HTRA1: variants seen among roughly 807,000 people sequenced by gnomAD.
HTRA1 encodes the protein serine protease HTRA1.
HTRA1 carries 26 observed loss-of-function variants against 49.7 expected under a neutral mutation model. That is an observed-to-expected ratio of 0.52 (90% CI 0.38 to 0.73). The LOEUF (loss-of-function observed/expected upper bound fraction) is 0.73. HTRA1 is among the 30% of genes least tolerant of loss of function. HTRA1 has a pLI of 0.00. For missense variants in HTRA1, 561 were observed against 667.2 expected (o/e 0.84, Z 1.75); for synonymous variants, 291 against 286.9 (o/e 1.01, Z -0.14).
At chr10:122,475,154 A>T (rs938105436) in intron 1 of HTRA1, among the ~76,000 whole-genome samples, 2 of 152,174 alleles carry the variant, frequency 1.3e-5, no homozygotes, top group East Asian at 3.9e-4. Context: ...TTCCTCCTTC[A>T]CTTCACCTGC....
At position 122,507,359 on chromosome 10, in the gene HTRA1, T is replaced by C; in HGVS notation, c.973-11T>C. On this transcript the variant is annotated splice_polypyrimidine_tract_variant and intron_variant, in intron 4 of 8. Transcript: ENST00000368984. ...ACGATTTGTAACCTTTTCATTTCTG[T>C]TTAATTGCAGTATGGAAACTCGGGA... The C allele has an allele frequency of 6.2e-7, 1 of 1,609,010 alleles. No individual in the cohort carries two copies. Among genetic ancestry groups the C allele is most frequent in the Non-Finnish European group, 8.5e-7 (1 of 1,175,360 alleles).
intron 3 of HTRA1, among the ~76,000 whole-genome samples, chr10:122,502,808 G>A (rs990698091): frequency 6.6e-6 from 1 of 152,196 alleles, no homozygotes; most frequent in East Asian, 1.9e-4. Flanking sequence ...TGAGATCTCC[G>A]CCTGGGCTCT....
chr10:122,504,877 C>T (rs2097502409), intron 3 of HTRA1, among the ~76,000 whole-genome samples: 1 of 152,228 alleles, frequency 6.6e-6, no homozygotes, highest in Non-Finnish European at 1.5e-5. Flanking sequence ...CTGCACCTCC[C>T]CGCAGCTGCC....
intron 1 of HTRA1, among the ~76,000 whole-genome samples, chr10:122,479,132 A>G (rs777796871): frequency 1.3e-5 from 2 of 152,210 alleles, no homozygotes; most frequent in Non-Finnish European, 2.9e-5. Context: ...AATTAGCTCT[A>G]CGTATCAACT....
chr10:122,492,850 C>T (rs932870928), intron 3 of HTRA1, among the ~76,000 whole-genome samples: 1 of 152,120 alleles, frequency 6.6e-6, no homozygotes. Context: ...CAAGCAGAGG[C>T]TCCCCTTGGA....
intron 1 of HTRA1, among the ~76,000 whole-genome samples, chr10:122,465,818 C>T (rs2097483536): frequency 6.6e-6 from 1 of 152,202 alleles, no homozygotes; most frequent in South Asian, 2.1e-4. Context: ...TTCCAGATTC[C>T]CCCATGTCCC....
At chr10:122,462,367 CTG>C (rs968611142) in intron 1 of HTRA1, among the ~76,000 whole-genome samples, 22 of 152,266 alleles carry the variant, frequency 1.4e-4, no homozygotes, top group African/African-American at 4.8e-4. Flanking sequence ...GGCCTGCACT[CTG>C]GGGCTCGAGA....
chr10:122,471,487 TC>T (rs34392669), intron 1 of HTRA1, among the ~76,000 whole-genome samples: 2 of 152,140 alleles, frequency 1.3e-5, no homozygotes, highest in African/African-American at 2.4e-5. Context: ...CCACATCAAC[TC>T]CCTGTTTGCA....
At chr10:122,486,240 T>G (rs1486274067) in intron 1 of HTRA1, among the ~76,000 whole-genome samples, 1 of 152,110 alleles carries the variant, frequency 6.6e-6, no homozygotes, top group East Asian at 1.9e-4. Context: ...TTTCCCCATA[T>G]ATAATATGGG....
At chr10:122,493,503 G>GT (rs538167908) in intron 3 of HTRA1, among the ~76,000 whole-genome samples, 49 of 151,714 alleles carry the variant, frequency 3.2e-4, no homozygotes, top group African/African-American at 1.0e-3. Context: ...TCCCTGCGGG[G>GT]TTTTTTTTTC....
At chr10:122,492,369 T>A (rs1027182194) in intron 3 of HTRA1, among the ~76,000 whole-genome samples, 1 of 152,248 alleles carries the variant, frequency 6.6e-6, no homozygotes, top group Non-Finnish European at 1.5e-5. Flanking sequence ...AGAGTTTTAC[T>A]GTTGCCCAGG....
intron 5 of HTRA1, 77 bp from the exon 6 acceptor site, chr10:122,508,579 C>G: frequency 2.1e-6 from 2 of 932,430 alleles, no homozygotes; most frequent in African/African-American, 1.6e-5. Context: ...GGACTTCTTT[C>G]AGGCATATTC....
In HTRA1 at chr10:122,479,731, G is replaced by A. The variant is rs573084139; in HGVS notation, c.473-9171G>A. 5.3e-5 allele frequency among the ~76,000 whole-genome samples: 8 copies of A among 152,072 alleles called. No homozygotes were observed. The South Asian group carries it at 1.5e-3, about 28-fold the overall frequency. Reference sequence around the variant, plus strand: ...GGGAGTTGTGCATTAAGGAGTCGTGGGGAGAGTGGAGGAATCAGTGCCACA... The same window carrying A: ...GGGAGTTGTGCATTAAGGAGTCGTGAGGAGAGTGGAGGAATCAGTGCCACA... On this transcript the variant is annotated intron_variant, in intron 1 of 8. Coordinates refer to ENST00000368984, the MANE Select transcript of HTRA1 (RefSeq NM_002775.5).
chr10:122,474,605 C>T (rs2097487624), intron 1 of HTRA1, among the ~76,000 whole-genome samples: 1 of 152,182 alleles, frequency 6.6e-6, no homozygotes, highest in African/African-American at 2.4e-5. Flanking sequence ...GGAGTCAGGG[C>T]AGGAAGCGAA....
At chr10:122,511,335 C>G (rs28542373) in intron 7 of HTRA1, among the ~76,000 whole-genome samples, 85,670 of 151,998 alleles carry the variant, frequency 0.56, 24,613 homozygotes, top group African/African-American at 0.65. Context: ...AGCAACTGTC[C>G]GAGGTCACAC....
At chr10:122,476,964 CTTTTT>C (rs36120668) in intron 1 of HTRA1, among the ~76,000 whole-genome samples, 1 of 103,998 alleles carries the variant, frequency 9.6e-6, no homozygotes, top group Non-Finnish European at 1.9e-5. Context: ...TTTATAGTTA[CTTTTT>C]TTTTTTTTTT....
chr10:122,480,423 G>T (rs1430545696), intron 1 of HTRA1, among the ~76,000 whole-genome samples: 1 of 152,166 alleles, frequency 6.6e-6, no homozygotes, highest in Non-Finnish European at 1.5e-5. Context: ...TCCTGCAGGG[G>T]CAATGAAGGG....
At chr10:122,463,622 C>T (rs1293633940) in intron 1 of HTRA1, among the ~76,000 whole-genome samples, 1 of 152,228 alleles carries the variant, frequency 6.6e-6, no homozygotes, top group Non-Finnish European at 1.5e-5. Flanking sequence ...CTGCTTCAGC[C>T]TCCCAAGTGG....
rs1384040346 is a variant in HTRA1, at chr10:122,506,477, CTCCCGCACGGCTTGCAAT to C, written c.778-213_778-196del. ...TGTGTGTGGCTTCAGTGTTCACTGG[CTCCCGCACGGCTTGCAAT>C]GTGTGGATTACGGGTGGGAGGGAAA... On this transcript the variant is annotated intron_variant, in intron 3 of 8. Coordinates refer to ENST00000368984, the MANE Select transcript of HTRA1 (RefSeq NM_002775.5). This position sits in a 1 kb window ranked among gnomAD's most constrained non-coding sequence, Gnocchi z 5.2. Among the ~76,000 whole-genome samples, 1 of 152,144 alleles carries C rather than the reference CTCCCGCACGGCTTGCAAT, an allele frequency of 6.6e-6. No individual in the cohort carries two copies. Among genetic ancestry groups the C allele is most frequent in the Non-Finnish European group, 1.5e-5 (1 of 68,030 alleles).
Sources: allele counts gnomAD v4.1 joint callset (sites outside exome capture counted in the v4.1 genomes callset), GRCh38; gene constraint gnomAD v4.1.1; non-coding constraint Gnocchi (gnomAD v3.1); transcripts MANE v1.5; gene names NCBI Gene and HGNC (gene_info 2026-07-23, HGNC 2026-07-21).